ATXN7L1: variants seen among roughly 807,000 people sequenced by gnomAD.
ATXN7L1 encodes the protein ataxin 7 like 1.
ATXN7L1 carries 15 observed loss-of-function variants against 70.8 expected under a neutral mutation model. The observed-to-expected ratio is 0.21, with a 90% CI of 0.14 to 0.33. The LOEUF (loss-of-function observed/expected upper bound fraction) is 0.33. ATXN7L1 is among the 10% of genes least tolerant of loss of function. The pLI, the probability that ATXN7L1 is intolerant of heterozygous loss-of-function variation, is 1.00. For missense variants in ATXN7L1, 975 were observed against 1,097.1 expected (o/e 0.89, Z 1.57); for synonymous variants, 440 against 445.1 (o/e 0.99, Z 0.14).
At chr7:105,741,504 C>T (rs141529175) in intron 3 of ATXN7L1, among the ~76,000 whole-genome samples, 14 of 152,246 alleles carry the variant, frequency 9.2e-5, no homozygotes, top group Admixed American at 2.6e-4. Flanking sequence ...ACGATGCCTC[C>T]GTGGTGAAAA....
At chr7:105,658,937 G>A (rs933048643) in intron 4 of ATXN7L1, among the ~76,000 whole-genome samples, 4 of 152,198 alleles carry the variant, frequency 2.6e-5, no homozygotes, top group Non-Finnish European at 1.5e-5. Flanking sequence ...AGGAGTTCAA[G>A]ACCAGGCTGG....
At chr7:105,695,513 G>C (rs1791593070) in intron 3 of ATXN7L1, among the ~76,000 whole-genome samples, 1 of 152,118 alleles carries the variant, frequency 6.6e-6, no homozygotes, top group Admixed American at 6.5e-5. Context: ...GATTTGATCA[G>C]TTCACCTAAA....
intron 3 of ATXN7L1, among the ~76,000 whole-genome samples, chr7:105,717,167 G>A (rs558730037): frequency 6.6e-5 from 10 of 152,010 alleles, no homozygotes; most frequent in South Asian, 4.1e-4. Flanking sequence ...TCGCTCTGTC[G>A]CCCAGGCTGG....
chr7:105,638,475 T>C lies in ATXN7L1; in HGVS notation c.1080A>G (p.Glu360=), dbSNP rs138918501. The C allele has an allele frequency of 1.5e-5, 23 of 1,552,354 alleles. No individual in the cohort carries two copies. In the East Asian group the frequency reaches 2.4e-4, roughly 16 times the overall value. The change falls in exon 7 of 12, where the codon GAA becomes GAG. Residue 360 remains glutamate (E), a synonymous_variant. Coordinates refer to ENST00000419735, the MANE Select transcript of ATXN7L1 (RefSeq NM_020725.2). ...CCGGCCCGGATTGGCTTGGAAGTAT[T>C]TCCCTCGTGGAAGTCAGGAGATGCT... is the stretch of plus-strand genomic sequence containing the variant. ...DKEHLLTSTR[E]ILPSQSGPAQ...
intron 3 of ATXN7L1, among the ~76,000 whole-genome samples, chr7:105,783,691 C>T (rs1237236960): frequency 6.6e-6 from 1 of 152,192 alleles, no homozygotes; most frequent in East Asian, 1.9e-4. Context: ...CCAGACCTCA[C>T]CCTATTATCT....
intron 3 of ATXN7L1, among the ~76,000 whole-genome samples, chr7:105,727,777 TACACACACATACACAC>T (rs1796074867): frequency 2.8e-4 from 25 of 90,116 alleles, no homozygotes; most frequent in South Asian, 7.8e-4. Context: ...TATATATATA[TACACACACATACACAC>T]ATATATATAT....
At chr7:105,672,162 T>G (rs1803838470) in intron 3 of ATXN7L1, among the ~76,000 whole-genome samples, 1 of 151,914 alleles carries the variant, frequency 6.6e-6, no homozygotes, top group Non-Finnish European at 1.5e-5. Context: ...GGCAGGCGCT[T>G]GTAATCCCAG....
At chr7:105,642,664 A>T (rs1337420262) in intron 5 of ATXN7L1, among the ~76,000 whole-genome samples, 174 bp downstream of exon 5, 1 of 152,242 alleles carries the variant, frequency 6.6e-6, no homozygotes, top group Non-Finnish European at 1.5e-5. Flanking sequence ...GGGGAAGAAG[A>T]GACCTGGTTT....
At chr7:105,716,720 C>CAG (rs1164985468) in intron 3 of ATXN7L1, among the ~76,000 whole-genome samples, 52 of 116,126 alleles carry the variant, frequency 4.5e-4, no homozygotes, top group Non-Finnish European at 8.2e-4. Flanking sequence ...CACACACACA[C>CAG]AGTACAAAAA....
intron 3 of ATXN7L1, among the ~76,000 whole-genome samples, chr7:105,783,636 C>A (rs946364533): frequency 1.3e-5 from 2 of 152,184 alleles, no homozygotes; most frequent in African/African-American, 4.8e-5. Context: ...GGGTGGTGAA[C>A]CCCAACTCCA....
chr7:105,826,340 C>T (rs1810866508), intron 2 of ATXN7L1, among the ~76,000 whole-genome samples: 1 of 152,224 alleles, frequency 6.6e-6, no homozygotes, highest in African/African-American at 2.4e-5. Flanking sequence ...TCTCAGGTCT[C>T]AGTTGCTTCA....
chr7:105,846,473 T>C (rs1814060699), intron 2 of ATXN7L1, among the ~76,000 whole-genome samples: 1 of 152,086 alleles, frequency 6.6e-6, no homozygotes, highest in Non-Finnish European at 1.5e-5. Flanking sequence ...ATAACAAATG[T>C]TGGTAAGGAT....
At chr7:105,612,965 C>A (rs1793288931) in intron 10 of ATXN7L1, among the ~76,000 whole-genome samples, 1 of 152,184 alleles carries the variant, frequency 6.6e-6, no homozygotes, top group Admixed American at 6.5e-5. Flanking sequence ...TGGGTCTAGG[C>A]TCCCGGGCAG....
intron 8 of ATXN7L1, among the ~76,000 whole-genome samples, chr7:105,621,506 G>C (rs145349550): frequency 1.3e-5 from 2 of 152,238 alleles, no homozygotes; most frequent in Non-Finnish European, 2.9e-5. Flanking sequence ...CTAACAAATA[G>C]ATGGGGGAGA....
chr7:105,639,661 C>A, intron 5 of ATXN7L1, 92 bp from the exon 6 acceptor site: 1 of 867,856 alleles, frequency 1.2e-6, no homozygotes, highest in Non-Finnish European at 1.8e-6. Context: ...TGCACATTTG[C>A]ACCAACAAGT....
chr7:105,857,678 G>A (rs1815932097), intron 2 of ATXN7L1, among the ~76,000 whole-genome samples: 1 of 152,224 alleles, frequency 6.6e-6, no homozygotes, highest in Non-Finnish European at 1.5e-5. Flanking sequence ...GGTTAAAGTA[G>A]AGGGTCACTT....
At chr7:105,714,816 G>A (rs117682665) in intron 3 of ATXN7L1, among the ~76,000 whole-genome samples, 6,496 of 152,178 alleles carry the variant, frequency 0.043, 164 homozygotes, top group Non-Finnish European at 0.052. Context: ...GTGCCCACCA[G>A]CAAACACAGC....
At position 105,662,053 on chromosome 7, in the gene ATXN7L1, TCC is replaced by T. The variant is rs1308571684; in HGVS notation, c.578+3011_578+3012del. On this transcript the variant is annotated intron_variant, in intron 4 of 11. Transcript: ENST00000419735. ...TTCCTTCCTTCCTTCCTTCCTTCCT[TCC>T]TTCCTTCCTTCCTTCCTTCCTTCCT... 4.4e-3 allele frequency among the ~76,000 whole-genome samples: 425 copies of T among 97,108 alleles called. 5 individuals carry two copies. The highest frequency in any genetic ancestry group is 0.021 in the South Asian group (41 of 1,924). 63.7% of individuals were successfully genotyped at this position (97,108 alleles called of 152,430 possible). A position where few individuals can be genotyped will look rare whatever the true frequency, so the allele number is the denominator to read the frequency against.
chr7:105,615,227 T>C (rs1338715552), intron 9 of ATXN7L1, among the ~76,000 whole-genome samples: 1 of 152,154 alleles, frequency 6.6e-6, no homozygotes. Context: ...ATTTCACATG[T>C]AGGTCCTGGT....
Sources: gnomAD v4.1 joint callset for allele counts (sites outside exome capture counted in the v4.1 genomes callset) on GRCh38, gnomAD v4.1.1 for gene constraint, MANE v1.5 for transcripts, NCBI Gene and HGNC (gene_info 2026-07-23, HGNC 2026-07-21) for gene names.